The following PTPRK variants were observed in gnomAD, a reference collection of about 807,000 sequenced individuals.
PTPRK encodes the protein receptor-type tyrosine-protein phosphatase kappa.
In PTPRK, 75 loss-of-function variants were observed where a neutral mutation model predicts 178.0. The observed-to-expected ratio is 0.42, with a 90% CI of 0.35 to 0.51. PTPRK has a LOEUF of 0.51. PTPRK is among the 20% of genes least tolerant of loss of function. PTPRK has a pLI of 0.02. For synonymous variants in PTPRK, 637 were observed against 620.6 expected (o/e 1.03, Z -0.39); for missense variants, 1,441 against 1,797.8 (o/e 0.80, Z 3.59).
At chr6:128,201,108 T>C (rs1008796136) in intron 6 of PTPRK, among the ~76,000 whole-genome samples, 1 of 152,116 alleles carries the variant, frequency 6.6e-6, no homozygotes, top group Non-Finnish European at 1.5e-5. Context: ...TAAAAGAGGA[T>C]AGGCTATTAA....
At chr6:128,152,177 C>T (rs1301593989) in intron 7 of PTPRK, among the ~76,000 whole-genome samples, 2 of 151,864 alleles carry the variant, frequency 1.3e-5, no homozygotes, top group Non-Finnish European at 2.9e-5. Context: ...ACATTAAATG[C>T]CGTTGATTTT....
chr6:128,267,768 T>C (rs1456859289), intron 3 of PTPRK, among the ~76,000 whole-genome samples: 1 of 151,984 alleles, frequency 6.6e-6, no homozygotes, highest in East Asian at 1.9e-4. Flanking sequence ...CTACAAACAG[T>C]AAAAACCTAC....
chr6:127,991,114 C>T (rs1290404971), intron 20 of PTPRK, among the ~76,000 whole-genome samples, 180 bp downstream of exon 20: 1 of 151,268 alleles, frequency 6.6e-6, no homozygotes, highest in Non-Finnish European at 1.5e-5. Flanking sequence ...TATTTTATTA[C>T]TCAATGAGAA....
At chr6:128,188,150 A>C (rs1328212840) in intron 6 of PTPRK, among the ~76,000 whole-genome samples, 1 of 152,180 alleles carries the variant, frequency 6.6e-6, no homozygotes, top group Non-Finnish European at 1.5e-5. Flanking sequence ...AACTTTGCCG[A>C]TGTTACCAAT....
chr6:128,099,561 T>G (rs1018045097), intron 7 of PTPRK, among the ~76,000 whole-genome samples: 43 of 152,096 alleles, frequency 2.8e-4, no homozygotes, highest in African/African-American at 1.0e-3. Context: ...ACTAATTTGC[T>G]TTTCATCACA....
At chr6:128,369,914 AAAAAAACATTC>A (rs1201171913) in intron 2 of PTPRK, among the ~76,000 whole-genome samples, 10 of 152,094 alleles carry the variant, frequency 6.6e-5, no homozygotes, top group African/African-American at 2.2e-4. Flanking sequence ...TGTAAGAGAA[AAAAAAACATTC>A]AAACTTTGAA....
Position 127,970,274 on chromosome 6 carries a change from AT to A in PTPRK, c.4275del (p.Gln1425HisfsTer8). 6.2e-7 allele frequency: 1 copy of A among 1,610,714 alleles called. No homozygotes were observed. The highest frequency in any genetic ancestry group is 8.5e-7 in the Non-Finnish European group (1 of 1,177,968). ...SKPNMVEAPEQYRFCYDVALE... is the reference protein window; with the variant it reads ...SKPNMVEAPEXYRFCYDVALE... ...AAAGCTACATCATAGCAGAAACGGT[AT>A]TGCTCCTGAAAGATGTCAAAACACA... On this transcript the variant is annotated frameshift_variant, in exon 30 of 30. Coordinates refer to ENST00000368226, the MANE Select transcript of PTPRK (RefSeq NM_002844.4). LOFTEE classifies it high-confidence loss of function.
intron 1 of PTPRK, among the ~76,000 whole-genome samples, chr6:128,443,557 G>A (rs1032157986): frequency 6.6e-5 from 10 of 152,168 alleles, no homozygotes; most frequent in African/African-American, 2.4e-4. Flanking sequence ...AAGTGGCAGA[G>A]ACTAAAACGG....
intron 3 of PTPRK, among the ~76,000 whole-genome samples, chr6:128,289,335 T>G (rs1486757050): frequency 1.3e-5 from 2 of 152,120 alleles, no homozygotes; most frequent in Non-Finnish European, 2.9e-5. Context: ...CAATCATTAT[T>G]AACACTACAC....
At chr6:128,398,678 G>A (rs747363481) in intron 1 of PTPRK, among the ~76,000 whole-genome samples, 6 of 152,188 alleles carry the variant, frequency 3.9e-5, no homozygotes, top group Admixed American at 1.3e-4. Context: ...TTTGAGGTCT[G>A]TGATATCTTT....
intron 7 of PTPRK, among the ~76,000 whole-genome samples, chr6:128,176,217 T>C (rs756874182): frequency 2.0e-4 from 30 of 151,910 alleles, no homozygotes; most frequent in Admixed American, 8.6e-4. Flanking sequence ...GGTTCATATG[T>C]AACAAAAATA....
chr6:128,459,160 T>A (rs1848731777), intron 1 of PTPRK, among the ~76,000 whole-genome samples: 1 of 152,118 alleles, frequency 6.6e-6, no homozygotes, highest in African/African-American at 2.4e-5. Flanking sequence ...AATTTCATTA[T>A]CCCTATGTTC....
chr6:127,997,518 C>T (rs1045150854), intron 16 of PTPRK, among the ~76,000 whole-genome samples: 1 of 151,924 alleles, frequency 6.6e-6, no homozygotes, highest in Non-Finnish European at 1.5e-5. Context: ...AAATAGAGTC[C>T]CCTTCTTCAA....
At chr6:128,150,492 C>T (rs538165811) in intron 7 of PTPRK, among the ~76,000 whole-genome samples, 43 of 152,220 alleles carry the variant, frequency 2.8e-4, no homozygotes, top group Admixed American at 1.0e-3. Context: ...TTCCCTCACT[C>T]GGGAATATGC....
intron 3 of PTPRK, among the ~76,000 whole-genome samples, chr6:128,257,162 G>A (rs367828447): frequency 5.3e-5 from 8 of 151,592 alleles, no homozygotes; most frequent in African/African-American, 1.2e-4. Flanking sequence ...CATGGGAGGC[G>A]GAGATTGTGG....
intron 1 of PTPRK, among the ~76,000 whole-genome samples, chr6:128,507,795 A>G (rs1027890085): frequency 1.3e-5 from 2 of 152,166 alleles, no homozygotes; most frequent in Non-Finnish European, 2.9e-5. Context: ...GAGGCTGTCC[A>G]CCAATCTTCT....
intron 6 of PTPRK, among the ~76,000 whole-genome samples, chr6:128,210,366 A>AG (rs1361638137): frequency 5.4e-5 from 6 of 111,212 alleles, no homozygotes; most frequent in Admixed American, 2.4e-4. Flanking sequence ...ATAACTCCGG[A>AG]GGAAAAAAAA....
rs1852569783 is a variant in PTPRK at position 128,484,745 on chromosome 6, G to GA, written c.100+35513dup. ...TTCTGAAATACAAAATGAGGCAATGGAAAATTGCACCAATTTATATTTTTT... is the reference window on the plus strand; with the variant it reads ...TTCTGAAATACAAAATGAGGCAATGGAAAAATTGCACCAATTTATATTTTTT... On this transcript the variant is annotated intron_variant, in intron 1 of 29. Transcript: ENST00000368226. Among the ~76,000 whole-genome samples, 4 of 152,256 alleles carry GA rather than the reference G, an allele frequency of 2.6e-5. No homozygotes were observed. In the South Asian group the frequency reaches 8.3e-4, roughly 32 times the overall value.
At chr6:128,187,036 G>A (rs1236768046) in intron 6 of PTPRK, among the ~76,000 whole-genome samples, 2 of 152,070 alleles carry the variant, frequency 1.3e-5, no homozygotes, top group African/African-American at 2.4e-5. Flanking sequence ...TGTAGGGATA[G>A]AATAAACAGT....
Sources: gnomAD v4.1 joint callset for allele counts (sites outside exome capture counted in the v4.1 genomes callset) on GRCh38, gnomAD v4.1.1 for gene constraint, MANE v1.5 for transcripts, NCBI Gene and HGNC (gene_info 2026-07-23, HGNC 2026-07-21) for gene names.